INPP5D: variants seen among roughly 807,000 people sequenced by gnomAD.
The protein encoded by INPP5D is inositol polyphosphate-5-phosphatase D.
In INPP5D, 33 loss-of-function variants were observed where a neutral mutation model predicts 122.9. That is an observed-to-expected ratio of 0.27 (90% CI 0.20 to 0.36). The LOEUF (loss-of-function observed/expected upper bound fraction) is 0.36, where lower values mean the gene tolerates loss of function less well. Ranked by LOEUF, INPP5D falls within the 10% of genes least tolerant of loss-of-function variation. The pLI, the probability that INPP5D is intolerant of heterozygous loss-of-function variation, is 1.00. For synonymous variants in INPP5D, 584 were observed against 576.2 expected, an observed-to-expected ratio of 1.01 and a Z score of -0.19; for missense variants, 1,053 against 1,412.7, an observed-to-expected ratio of 0.75 and a Z score of 4.08.
Position 233,207,553 on chromosome 2 carries a change from C to T in INPP5D, c.*845C>T, listed in dbSNP as rs1695546601. 1 of 152,440 alleles carries T rather than the reference C, an allele frequency of 6.6e-6. No homozygotes were observed. Among genetic ancestry groups the T allele is most frequent in the South Asian group, 2.1e-4 (1 of 4,836 alleles). 9.4% of individuals were successfully genotyped at this position (152,440 alleles called of 1,614,324 possible). On this transcript the variant is annotated 3_prime_UTR_variant, in exon 27 of 27. Transcript: ENST00000445964. The surrounding 1 kb of genome is among the most constrained non-coding windows in gnomAD (Gnocchi z 4.6). ...CTCGAGGTGGGCAGCCATCACCAGC[C>T]ACAGTTAAGCCAAGCCCCCCAACAT...
chr2:233,120,442 C>A (rs955249824), intron 2 of INPP5D, among the ~76,000 whole-genome samples: 5 of 152,300 alleles, frequency 3.3e-5, no homozygotes, highest in African/African-American at 1.2e-4. Flanking sequence ...CGAGACTGTG[C>A]CACTGCACTC....
At chr2:233,163,493 G>C in intron 11 of INPP5D, among the ~76,000 whole-genome samples, 1 of 152,222 alleles carries the variant, frequency 6.6e-6, no homozygotes, top group East Asian at 1.9e-4. Flanking sequence ...TTGACATTAC[G>C]TTTAAAAAGA....
At chr2:233,092,499 A>G (rs1692018891) in intron 2 of INPP5D, among the ~76,000 whole-genome samples, 1 of 152,188 alleles carries the variant, frequency 6.6e-6, no homozygotes, top group African/African-American at 2.4e-5. Context: ...GGTTTTTAGC[A>G]TTGATGAGCC....
chr2:233,139,795 T>C (rs1693594618), intron 5 of INPP5D, 47 bp from the exon 6 acceptor site: 2 of 398,270 alleles, frequency 5.0e-6, no homozygotes, highest in Non-Finnish European at 8.9e-6. Flanking sequence ...GAAGACTCTT[T>C]CCGGTGCCCA....
chr2:233,112,153 AATCAGTCATTACTATG>A (rs1468804475), intron 2 of INPP5D, among the ~76,000 whole-genome samples: 1 of 151,846 alleles, frequency 6.6e-6, no homozygotes, highest in Non-Finnish European at 1.5e-5. Flanking sequence ...TTCTTGCCTG[AATCAGTCATTACTATG>A]ATGATTGCCA....
Position 233,100,822 on chromosome 2 carries a change from C to G in INPP5D, c.199-21285C>G, listed in dbSNP as rs1483359160. On this transcript the variant is annotated intron_variant, in intron 2 of 26. Coordinates refer to ENST00000445964, the MANE Select transcript of INPP5D (RefSeq NM_001017915.3). The surrounding 1 kb of genome is among the most constrained non-coding windows in gnomAD (Gnocchi z 5.3). ...GCTGGAGGGCTCACTTTTGTCACTG[C>G]ACTTGCCACCCAGAACACTGTTACT... 6.6e-6 allele frequency among the ~76,000 whole-genome samples: 1 copy of G among 152,252 alleles called. No individual in the cohort carries two copies. The highest frequency in any genetic ancestry group is 2.4e-5 in the African/African-American group (1 of 41,472).
intron 1 of INPP5D, among the ~76,000 whole-genome samples, chr2:233,073,380 C>T (rs941905530): frequency 1.1e-4 from 16 of 152,150 alleles, no homozygotes; most frequent in Admixed American, 1.0e-3. Flanking sequence ...TGGCTCACGC[C>T]TGTAATCCCA....
chr2:233,102,314 G>T lies in INPP5D; in HGVS notation c.199-19793G>T, dbSNP rs79270030. 4.6e-3 allele frequency among the ~76,000 whole-genome samples: 697 copies of T among 152,270 alleles called. 2 individuals carry two copies. Among genetic ancestry groups the T allele is most frequent in the African/African-American group, 0.016 (652 of 41,554 alleles). On this transcript the variant is annotated intron_variant, in intron 2 of 26. Coordinates refer to ENST00000445964, the MANE Select transcript of INPP5D (RefSeq NM_001017915.3). Reference sequence around the variant, plus strand: ...TGTGTTACCCCATGATGCTGTAACTGGAGCTAACTGGAAGCTGCTGCCTTT... The same window carrying T: ...TGTGTTACCCCATGATGCTGTAACTTGAGCTAACTGGAAGCTGCTGCCTTT...
chr2:233,140,968 C>T (rs1476031600), intron 6 of INPP5D: 1 of 152,352 alleles, frequency 6.6e-6, no homozygotes, highest in African/African-American at 2.4e-5. Flanking sequence ...CGTTCAACCT[C>T]ACCTTGTTAG....
intron 17 of INPP5D, among the ~76,000 whole-genome samples, chr2:233,175,902 G>A (rs1041889285): frequency 4.6e-5 from 7 of 151,854 alleles, no homozygotes; most frequent in Admixed American, 6.6e-5. Context: ...GGGTGGTCTC[G>A]AACTCCCGAC....
chr2:233,164,269 C>T lies in INPP5D; in HGVS notation c.1438-38C>T, dbSNP rs991603605. Reference sequence around the variant, plus strand: ...TCACTGTGCCCTGGTTCACACCCTACACTTGGGCCGAGTATTGCAACGTTG... The same window carrying T: ...TCACTGTGCCCTGGTTCACACCCTATACTTGGGCCGAGTATTGCAACGTTG... On this transcript the variant is annotated intron_variant, in intron 12 of 26. Transcript: ENST00000445964. This position sits in a 1 kb window ranked among gnomAD's most constrained non-coding sequence, Gnocchi z 4.3. 19 of 1,527,086 alleles carry T rather than the reference C, an allele frequency of 1.2e-5. No individual in the cohort carries two copies. In the Admixed American group the frequency reaches 2.0e-4, roughly 16 times the overall value. The allele number at this position is 1,527,086 out of a possible 1,614,324, so 94.6% of individuals were successfully genotyped here.
intron 25 of INPP5D, among the ~76,000 whole-genome samples, chr2:233,203,060 G>A (rs1239758365): frequency 6.6e-6 from 1 of 152,166 alleles, no homozygotes; most frequent in East Asian, 1.9e-4. Context: ...CGGGATGTCG[G>A]GCCCCCTGAG....
At chr2:233,119,079 T>C (rs1233281102) in intron 2 of INPP5D, among the ~76,000 whole-genome samples, 2 of 152,230 alleles carry the variant, frequency 1.3e-5, no homozygotes, top group Non-Finnish European at 1.5e-5. Flanking sequence ...AAGTCTATAA[T>C]CAATGTGTAA....
At chr2:233,155,558 G>C (rs1423396218) in intron 9 of INPP5D, among the ~76,000 whole-genome samples, 3 of 152,034 alleles carry the variant, frequency 2.0e-5, no homozygotes, top group African/African-American at 7.2e-5. Flanking sequence ...GGAGGCAGAG[G>C]TTGCGGTGAG....
At chr2:233,194,536 G>A (rs1695134650) in intron 23 of INPP5D, among the ~76,000 whole-genome samples, 1 of 144,262 alleles carries the variant, frequency 6.9e-6, no homozygotes, top group African/African-American at 2.6e-5. Flanking sequence ...CTCACTCTGT[G>A]GCTCAGGCTG....
chr2:233,096,084 G>A (rs1489827492), intron 2 of INPP5D, among the ~76,000 whole-genome samples: 3 of 152,206 alleles, frequency 2.0e-5, no homozygotes, highest in Non-Finnish European at 4.4e-5. Context: ...ACAAAAGACA[G>A]ATGCTACAAT....
intron 2 of INPP5D, among the ~76,000 whole-genome samples, chr2:233,086,028 A>T (rs1199487685): frequency 6.6e-6 from 1 of 152,210 alleles, no homozygotes; most frequent in East Asian, 1.9e-4. Context: ...AATGGGATGC[A>T]AGTGTAACCA....
intron 2 of INPP5D, among the ~76,000 whole-genome samples, chr2:233,080,789 G>C (rs983649009): frequency 3.3e-5 from 5 of 152,348 alleles, no homozygotes; most frequent in African/African-American, 1.2e-4. Context: ...AAGTTGTCAA[G>C]AGGGAGAGCG....
intron 17 of INPP5D, among the ~76,000 whole-genome samples, chr2:233,172,676 T>C (rs2106304516): frequency 6.6e-6 from 1 of 152,160 alleles, no homozygotes; most frequent in East Asian, 1.9e-4. Context: ...AAAATAGCGA[T>C]GCGTCGCTTA....
Sources: allele counts gnomAD v4.1 joint callset (sites outside exome capture counted in the v4.1 genomes callset), GRCh38; gene constraint gnomAD v4.1.1; non-coding constraint Gnocchi (gnomAD v3.1); transcripts MANE v1.5; gene names NCBI Gene and HGNC (gene_info 2026-07-23, HGNC 2026-07-21).